LAMB1: variants seen among roughly 807,000 people sequenced by gnomAD.
LAMB1 encodes the protein laminin subunit beta 1, also known as laminin subunit beta-1.
Under a neutral mutation model 222.3 loss-of-function variants are expected in LAMB1, and 121 were observed. That is an observed-to-expected ratio of 0.54 (90% confidence interval 0.47 to 0.63). The LOEUF is 0.63. LAMB1 is among the 30% of genes least tolerant of loss of function. The pLI is 0.00. For missense variants in LAMB1, 2,172 were observed against 2,240.8 expected (o/e 0.97, Z 0.62); for synonymous variants, 794 against 807.2 (o/e 0.98, Z 0.28).
chr7:107,999,929 A>G (rs1196828935), intron 3 of LAMB1: 2 of 152,140 alleles, frequency 1.3e-5, no homozygotes, highest in Non-Finnish European at 2.9e-5. Context: ...CTACATGTTT[A>G]GAGAAACTTC....
chr7:107,962,847 T>C, intron 15 of LAMB1, 58 bp downstream of exon 15: 1 of 1,445,616 alleles, frequency 6.9e-7, no homozygotes, highest in East Asian at 2.3e-5. Context: ...TTAGAAGTAC[T>C]ATTTTTCTAC....
At chr7:107,935,909 A>G (rs550268005) in intron 26 of LAMB1, among the ~76,000 whole-genome samples, 2 of 152,372 alleles carry the variant, frequency 1.3e-5, no homozygotes, top group South Asian at 4.1e-4. Context: ...TCTTGTTTCT[A>G]TACACAAGCA....
In LAMB1 at chr7:107,929,880, TGAG is replaced by T. The variant is rs573021229; in HGVS notation, c.4538-264_4538-262del. ...TAGTGAGGGAAACCTTCGTGGAAGA[TGAG>T]GAGCTGATCAGATTTTAAGGGATAA... is the stretch of plus-strand genomic sequence containing the variant. On this transcript the variant is annotated intron_variant, in intron 29 of 33. Coordinates refer to ENST00000222399, the MANE Select transcript of LAMB1 (RefSeq NM_002291.3). The T allele has an allele frequency of 2.8e-4, 142 of 514,632 alleles. 1 individual carries two copies. The highest frequency in any genetic ancestry group is 2.7e-3 in the South Asian group (121 of 45,158). The allele number at this position is 514,632 out of a possible 1,614,324, so 31.9% of individuals were successfully genotyped here.
chr7:107,982,758 A>T (rs1162200812), intron 7 of LAMB1, among the ~76,000 whole-genome samples: 14 of 152,216 alleles, frequency 9.2e-5, no homozygotes, highest in Admixed American at 9.2e-4. Context: ...TCTAAGTGGC[A>T]AATCACTTTT....
intron 13 of LAMB1, among the ~76,000 whole-genome samples, chr7:107,970,312 A>G (rs2033720547): frequency 6.6e-6 from 1 of 152,048 alleles, no homozygotes; most frequent in Admixed American, 6.6e-5. Context: ...ACATGGTGAA[A>G]CCCCGTCTCT....
intron 13 of LAMB1, among the ~76,000 whole-genome samples, chr7:107,971,970 G>A (rs927961812): frequency 6.6e-6 from 1 of 152,294 alleles, no homozygotes; most frequent in Middle Eastern, 3.4e-3. Flanking sequence ...GATTCAACAT[G>A]TGTTCTGGGA....
intron 9 of LAMB1, among the ~76,000 whole-genome samples, chr7:107,976,425 C>T (rs1471715450): frequency 6.6e-6 from 1 of 152,192 alleles, no homozygotes; most frequent in Non-Finnish European, 1.5e-5. Context: ...AGCTAGCTGA[C>T]CCCCTTGGGT....
At position 107,973,090 on chromosome 7, in the gene LAMB1, A is replaced by C; in HGVS notation, c.1483-19T>G. 1 of 1,604,410 alleles carries C rather than the reference A, an allele frequency of 6.2e-7. No homozygotes were observed. Among genetic ancestry groups the C allele is most frequent in the Non-Finnish European group, 8.5e-7 (1 of 1,171,202 alleles). ...GCTCTGGCTGCAGAACAAAACGTGA[A>C]ACATGTAACGGTAGGTTTCTGTAAT... is the stretch of plus-strand genomic sequence containing the variant. On this transcript the variant is annotated intron_variant, in intron 12 of 33. Coordinates refer to ENST00000222399, the MANE Select transcript of LAMB1 (RefSeq NM_002291.3).
rs764708475 is a variant in LAMB1 at position 107,964,730 on chromosome 7, G to A, written c.1563-43C>T. The A allele has an allele frequency of 2.2e-5, 36 of 1,607,188 alleles. No homozygotes were observed. The Admixed American group carries it at 2.7e-4, about 12-fold the overall frequency. On this transcript the variant is annotated intron_variant, in intron 13 of 33. Coordinates refer to ENST00000222399, the MANE Select transcript of LAMB1 (RefSeq NM_002291.3). ...CCACATCAGCTGAGTTCATGGTCAC[G>A]CGAGTCAACCCGCCAGAAGCAGCTC...
chr7:107,982,666 T>C (rs2528654), intron 7 of LAMB1, among the ~76,000 whole-genome samples: 2,240 of 152,216 alleles, frequency 0.015, 50 homozygotes, highest in African/African-American at 0.051. Context: ...CTGACCTTTG[T>C]GGAAACCCCT....
At chr7:107,944,225 G>C (rs1007746899) in intron 24 of LAMB1, among the ~76,000 whole-genome samples, 2 of 152,150 alleles carry the variant, frequency 1.3e-5, no homozygotes, top group African/African-American at 4.8e-5. Flanking sequence ...TAATTTCTGT[G>C]ATCATTTTTC....
chr7:107,927,560 C>T (rs1306950036), intron 31 of LAMB1, among the ~76,000 whole-genome samples: 2 of 152,094 alleles, frequency 1.3e-5, no homozygotes, highest in Non-Finnish European at 2.9e-5. Flanking sequence ...TTAAGTGATC[C>T]TCTCACCTCC....
chr7:107,996,844 C>A (rs546963637), intron 4 of LAMB1, among the ~76,000 whole-genome samples: 3 of 152,200 alleles, frequency 2.0e-5, no homozygotes, highest in Non-Finnish European at 4.4e-5. Flanking sequence ...CTTCTTCAAA[C>A]GGTCTTTCAC....
intron 9 of LAMB1, 150 bp from the exon 10 acceptor site, chr7:107,976,027 T>A (rs538233673): frequency 1.6e-6 from 1 of 628,898 alleles, no homozygotes; most frequent in African/African-American, 1.8e-5. Context: ...AAAGGACGCA[T>A]CCACCGATGA....
chr7:107,953,851 G>C, intron 21 of LAMB1, 97 bp from the exon 22 acceptor site: 1 of 1,034,876 alleles, frequency 9.7e-7, no homozygotes, highest in Non-Finnish European at 1.5e-6. Flanking sequence ...TGATCGTGGC[G>C]GTGCTTCATC....
chr7:107,976,926 T>TCTCCTTCCTTCCTTTCCTCTCC (rs1563000135), intron 9 of LAMB1, among the ~76,000 whole-genome samples: 36 of 19,590 alleles, frequency 1.8e-3, no homozygotes, highest in African/African-American at 2.2e-3. Context: ...CTTTCCTCTC[T>TCTCCTTCCTTCCTTTCCTCTCC]CTCCTTCCTT....
intron 13 of LAMB1, among the ~76,000 whole-genome samples, chr7:107,971,191 A>G (rs999615007): frequency 2.2e-4 from 34 of 152,222 alleles, no homozygotes; most frequent in African/African-American, 6.0e-4. Flanking sequence ...CTGTCCCTCA[A>G]CAAAGTAACT....
At chr7:107,934,481 T>C (rs528491691) in intron 27 of LAMB1, among the ~76,000 whole-genome samples, 18 of 152,284 alleles carry the variant, frequency 1.2e-4, no homozygotes, top group African/African-American at 4.1e-4. Flanking sequence ...AGAAACAGGC[T>C]CAGTTAGGCT....
intron 13 of LAMB1, among the ~76,000 whole-genome samples, chr7:107,969,575 A>T (rs1034890839): frequency 1.2e-4 from 19 of 152,300 alleles, no homozygotes; most frequent in Non-Finnish European, 1.3e-4. Flanking sequence ...CAGTATAGTC[A>T]TGTGTCACTT....
Sources: gnomAD v4.1 joint callset for allele counts (sites outside exome capture counted in the v4.1 genomes callset) on GRCh38, gnomAD v4.1.1 for gene constraint, MANE v1.5 for transcripts, NCBI Gene and HGNC (gene_info 2026-07-23, HGNC 2026-07-21) for gene names.